Variants in IL1RAPL1 observed in about 807,000 individuals in gnomAD.
The protein encoded by IL1RAPL1 is interleukin-1 receptor accessory protein-like 1.
A neutral mutation model predicts 48.4 loss-of-function variants in IL1RAPL1; 3 were observed. The observed-to-expected ratio is 0.06, with a 90% confidence interval of 0.03 to 0.16. IL1RAPL1 has a LOEUF of 0.16. Ranked by LOEUF, IL1RAPL1 falls within the 10% of genes least tolerant of loss-of-function variation. The pLI, the probability that IL1RAPL1 is intolerant of heterozygous loss-of-function variation, is 1.00. For missense variants in IL1RAPL1, 349 were observed against 530.6 expected (o/e 0.66, Z 3.36); for synonymous variants, 185 against 187.7 (o/e 0.99, Z 0.12).
intron 6 of IL1RAPL1, among the ~76,000 whole-genome samples, chrX:29,693,664 G>A (rs924996629): frequency 1.8e-5 from 2 of 112,242 alleles, no homozygotes; most frequent in Non-Finnish European, 3.8e-5. Flanking sequence ...ATGAAAGTGA[G>A]CAGTGTCATG....
intron 2 of IL1RAPL1, among the ~76,000 whole-genome samples, chrX:29,095,352 A>G (rs958409733): frequency 7.2e-5 from 8 of 111,254 alleles, no homozygotes; most frequent in African/African-American, 2.6e-4. Flanking sequence ...CTGTCTTAAT[A>G]GTTTTACATT....
intron 1 of IL1RAPL1, among the ~76,000 whole-genome samples, chrX:28,712,194 G>A (rs1935449602): frequency 9.0e-6 from 1 of 111,208 alleles, no homozygotes; most frequent in East Asian, 2.8e-4. Context: ...GGTGTGGGGT[G>A]TGGCTTATAC....
At chrX:29,478,007 G>T (rs1203950723) in intron 5 of IL1RAPL1, among the ~76,000 whole-genome samples, 2 of 111,839 alleles carry the variant, frequency 1.8e-5, no homozygotes, top group Non-Finnish European at 3.8e-5. Context: ...AGCCTTTAAA[G>T]ATATGCAAAT....
At chrX:29,601,722 T>C (rs1300449758) in intron 5 of IL1RAPL1, among the ~76,000 whole-genome samples, 1 of 112,380 alleles carries the variant, frequency 8.9e-6, no homozygotes, top group Non-Finnish European at 1.9e-5. Context: ...TATAGAATGC[T>C]TCTGTCTATA....
chrX:28,677,530 A>T (rs1253424402), intron 1 of IL1RAPL1, among the ~76,000 whole-genome samples: 10 of 111,312 alleles, frequency 9.0e-5, no homozygotes. Context: ...CAACTCTGAG[A>T]TGTGTATACT....
At chrX:29,249,264 T>C (rs1385368669) in intron 2 of IL1RAPL1, among the ~76,000 whole-genome samples, 1 of 111,696 alleles carries the variant, frequency 9.0e-6, no homozygotes, top group African/African-American at 3.3e-5. Flanking sequence ...GAAAGAATAG[T>C]TAAAACTAAA....
chrX:28,835,366 A>G (rs959093445), intron 2 of IL1RAPL1, among the ~76,000 whole-genome samples: 1 of 111,035 alleles, frequency 9.0e-6, no homozygotes, highest in Non-Finnish European at 1.9e-5. Context: ...AAGAATTTCA[A>G]TAGAGATTTC....
intron 2 of IL1RAPL1, among the ~76,000 whole-genome samples, chrX:29,192,714 A>G (rs2147528332): frequency 8.9e-6 from 1 of 112,182 alleles, no homozygotes; most frequent in South Asian, 3.7e-4. Context: ...TGATATTACC[A>G]TAAATTCCTA....
chrX:28,721,750 C>T (rs1292796815), intron 1 of IL1RAPL1, among the ~76,000 whole-genome samples: 3 of 111,065 alleles, frequency 2.7e-5, no homozygotes, highest in Admixed American at 1.9e-4. Context: ...AGTCTTTAAT[C>T]CATCTTGAAT....
At chrX:28,641,123 C>G (rs1375506534) in intron 1 of IL1RAPL1, among the ~76,000 whole-genome samples, 2 of 107,686 alleles carry the variant, frequency 1.9e-5, no homozygotes, top group Non-Finnish European at 3.8e-5. Flanking sequence ...ATGTAGGTTT[C>G]TTACATAGGT....
chrX:29,369,988 G>A (rs1334664309), intron 3 of IL1RAPL1: 1 of 111,579 alleles, frequency 9.0e-6, no homozygotes, highest in Admixed American at 9.6e-5. Context: ...AAAAATTTAT[G>A]ATTCATGGTG....
chrX:29,371,688 T>A (rs1183975054), intron 3 of IL1RAPL1, among the ~76,000 whole-genome samples: 1 of 111,824 alleles, frequency 8.9e-6, no homozygotes, highest in Non-Finnish European at 1.9e-5. Flanking sequence ...TGAGAACATT[T>A]GGTATTTGAT....
intron 2 of IL1RAPL1, among the ~76,000 whole-genome samples, chrX:29,090,602 GA>G (rs1928068203): frequency 8.9e-6 from 1 of 111,913 alleles, no homozygotes; most frequent in African/African-American, 3.2e-5. Context: ...TAATTCAACA[GA>G]AATGGGTTTT....
intron 6 of IL1RAPL1, among the ~76,000 whole-genome samples, chrX:29,738,450 C>CTTTTTTTTTTTTTTTT (rs59952038): frequency 2.3e-5 from 2 of 86,160 alleles, no homozygotes; most frequent in African/African-American, 9.4e-5. Context: ...CTTTTCTTTT[C>CTTTTTTTTTTTTTTTT]TTTTTTTTTT....
rs1933402144 is a variant in IL1RAPL1, at chrX:29,955,562, T to C, written c.1833T>C (p.Phe611=). 8.3e-7 allele frequency: 1 copy of C among 1,205,104 alleles called. No individual in the cohort carries two copies. The highest frequency in any genetic ancestry group is 1.1e-6 in the Non-Finnish European group (1 of 892,589). Residue 611 remains phenylalanine (F), a synonymous_variant, in exon 11 of 11, where the codon TTT becomes TTC. Coordinates refer to ENST00000378993, the MANE Select transcript of IL1RAPL1 (RefSeq NM_014271.4). ...CCCATCCAGATCTCCGTTCTACCTT[T>C]CACAACACGTACCATTCACAAATGC... The part of the protein sequence containing the change: ...ATAHPDLRST[F]HNTYHSQMRQ...
chrX:29,820,015 T>G (rs1052407956), intron 6 of IL1RAPL1, among the ~76,000 whole-genome samples: 2 of 106,801 alleles, frequency 1.9e-5, no homozygotes, highest in Non-Finnish European at 3.8e-5. Context: ...TTATTTTCAT[T>G]TTATCTTCTA....
At chrX:29,314,705 A>C (rs779547577) in intron 3 of IL1RAPL1, among the ~76,000 whole-genome samples, 6 of 112,407 alleles carry the variant, frequency 5.3e-5, no homozygotes, top group Middle Eastern at 4.2e-3. Flanking sequence ...TTGAGGATTT[A>C]GTGAAATAAT....
rs191142175 is a variant in IL1RAPL1, at chrX:28,705,048, T to C, written c.-24-84272T>C. On this transcript the variant is annotated intron_variant, in intron 1 of 10. Coordinates refer to ENST00000378993, the MANE Select transcript of IL1RAPL1 (RefSeq NM_014271.4). ...TTTAGTTTGCCACTTTGACTGCTTT[T>C]GGAAAATGTTTTGTAGCAAGTCATA... is the stretch of plus-strand genomic sequence containing the variant. Among the ~76,000 whole-genome samples, 15 of 111,463 alleles carry C rather than the reference T, an allele frequency of 1.3e-4. No homozygotes were observed. In the East Asian group the frequency reaches 4.2e-3, roughly 32 times the overall value.
At chrX:28,672,524 T>G (rs1934957853) in intron 1 of IL1RAPL1, among the ~76,000 whole-genome samples, 1 of 111,518 alleles carries the variant, frequency 9.0e-6, no homozygotes, top group African/African-American at 3.3e-5. Flanking sequence ...CATCCTTAGT[T>G]TCACCTGCCT....
Sources: gnomAD v4.1 joint callset for allele counts (sites outside exome capture counted in the v4.1 genomes callset) on GRCh38, gnomAD v4.1.1 for gene constraint, MANE v1.5 for transcripts, NCBI Gene and HGNC (gene_info 2026-07-23, HGNC 2026-07-21) for gene names.